EOGT: variants seen among roughly 807,000 people sequenced by gnomAD.
EOGT encodes the protein EGF domain specific O-linked N-acetylglucosamine transferase, also known as EGF domain-specific O-linked N-acetylglucosamine transferase.
A neutral mutation model predicts 70.5 loss-of-function variants in EOGT; 55 were observed. The ratio of observed to expected loss-of-function variants is 0.78; its 90% CI spans 0.63 to 0.98. The LOEUF is 0.98. EOGT is among the 50% of genes least tolerant of loss of function. The probability of loss-of-function intolerance (pLI) is 0.00; values close to 1 mark genes in which losing one functional copy is unlikely to be tolerated. For missense variants in EOGT, 703 were observed against 641.9 expected, an observed-to-expected ratio of 1.10 and a Z score of -1.03; for synonymous variants, 246 against 217.1, an observed-to-expected ratio of 1.13 and a Z score of -1.17.
chr3:68,997,314 C>G (rs1486736859), intron 10 of EOGT, among the ~76,000 whole-genome samples: 1 of 151,322 alleles, frequency 6.6e-6, no homozygotes, highest in Non-Finnish European at 1.5e-5. Flanking sequence ...AAAGGCCAAA[C>G]AGTAAACAGA....
At chr3:69,003,225 T>C (rs1322294573) in intron 8 of EOGT, among the ~76,000 whole-genome samples, 2 of 152,214 alleles carry the variant, frequency 1.3e-5, no homozygotes, top group African/African-American at 4.8e-5. Flanking sequence ...GTCAATTTCA[T>C]GGTTGTGATC....
intron 10 of EOGT, among the ~76,000 whole-genome samples, chr3:68,993,665 G>A (rs1346866360): frequency 1.3e-5 from 2 of 152,002 alleles, no homozygotes; most frequent in African/African-American, 4.8e-5. Context: ...CACTCTACTG[G>A]TACCAATTTA....
At chr3:69,006,178 G>A (rs1385286178) in intron 6 of EOGT, among the ~76,000 whole-genome samples, 3 of 152,196 alleles carry the variant, frequency 2.0e-5, no homozygotes, top group African/African-American at 7.2e-5. Flanking sequence ...AAAGAGGAGT[G>A]CAAGATAGGG....
At position 68,977,638 on chromosome 3, in the gene EOGT, T is replaced by C. The variant is rs1243427562; in HGVS notation, c.1564A>G (p.Lys522Glu). The C allele has an allele frequency of 6.2e-7, 1 of 1,613,874 alleles. No individual in the cohort carries two copies. The highest frequency in any genetic ancestry group is 1.7e-5 in the Admixed American group (1 of 59,972). ...CATATTTATAGCTCATCATGTTTCT[T>C]CTTAAATGGCCACTTTGGGTGTTGC... Reference protein sequence around the residue: ...VLQHPKWPFKKKHDEL With the variant: ...VLQHPKWPFKEKHDEL Residue 522 changes from lysine (K) to glutamate (E), a missense_variant, in exon 18 of 18, where the codon AAG becomes GAG. Coordinates refer to ENST00000383701, the MANE Select transcript of EOGT (RefSeq NM_001278689.2).
chr3:68,985,966 A>T (rs1482675305), intron 14 of EOGT, among the ~76,000 whole-genome samples: 1 of 152,096 alleles, frequency 6.6e-6, no homozygotes, highest in African/African-American at 2.4e-5. Flanking sequence ...CAGCTTCTAG[A>T]AGCCCTCCAC....
intron 7 of EOGT, 114 bp from the exon 8 acceptor site, chr3:69,004,596 T>A: frequency 1.5e-6 from 1 of 686,100 alleles, no homozygotes; most frequent in Non-Finnish European, 2.5e-6. Context: ...TAAAAGAATT[T>A]AACTATTTAC....
chr3:68,975,591 T>C lies in EOGT; in HGVS notation c.*2027A>G, dbSNP rs113721595. 1 of 152,558 alleles carries C rather than the reference T, an allele frequency of 6.6e-6. No individual in the cohort carries two copies. Among genetic ancestry groups the C allele is most frequent in the Non-Finnish European group, 1.5e-5 (1 of 68,032 alleles). The allele number at this position is 152,558 out of a possible 1,614,324, so 9.5% of individuals were successfully genotyped here. On this transcript the variant is annotated 3_prime_UTR_variant, in exon 18 of 18. Transcript: ENST00000383701. ...TGCCTTGCTGATGCAAAGCGCAACA[T>C]GCTTTTGTCATCCCTTTCATCTGAA... is the stretch of plus-strand genomic sequence containing the variant.
In EOGT at chr3:69,001,194, G is replaced by A. The variant is rs539890083; in HGVS notation, c.727+414C>T. Among the ~76,000 whole-genome samples the A allele has an allele frequency of 3.3e-5, 5 of 152,136 alleles. No individual in the cohort carries two copies. In the South Asian group the frequency reaches 1.0e-3, roughly 32 times the overall value. Reference sequence around the variant, plus strand: ...AGGATGGTCTCGATCTCCTGACCTCGTGATCTGCCTGCCTCGGCCTCCCAC... The same window carrying A: ...AGGATGGTCTCGATCTCCTGACCTCATGATCTGCCTGCCTCGGCCTCCCAC... On this transcript the variant is annotated intron_variant, in intron 9 of 17. Coordinates refer to ENST00000383701, the MANE Select transcript of EOGT (RefSeq NM_001278689.2).
chr3:69,003,120 C>T (rs1385961088), intron 8 of EOGT, among the ~76,000 whole-genome samples: 1 of 152,134 alleles, frequency 6.6e-6, no homozygotes, highest in Non-Finnish European at 1.5e-5. Flanking sequence ...CTCTCTCTCC[C>T]TACCTACATA....
Position 69,008,476 on chromosome 3 carries a change from G to A in EOGT, c.263C>T (p.Pro88Leu), listed in dbSNP as rs1315667927. 2.5e-6 allele frequency: 4 copies of A among 1,613,876 alleles called. No individual in the cohort carries two copies. The highest frequency in any genetic ancestry group is 1.3e-5 in the African/African-American group (1 of 74,872). ...AACTGGGTAACCAAACCTGAACTCTGGTTTGCAGGATTTCTCATAACCCCA... is the reference window on the plus strand; with the variant it reads ...AACTGGGTAACCAAACCTGAACTCTAGTTTGCAGGATTTCTCATAACCCCA... ...YCWGYEKSCK[P>L]EFRFGYPVCS... is the part of the protein sequence containing the mutation. The change falls in exon 5 of 18, where the codon CCA (proline) becomes CTA (leucine). Residue 88 changes from proline (P) to leucine (L), a missense_variant. By Grantham distance (98) the Pro-to-Leu change is moderately conservative (BLOSUM62 -3). Coordinates refer to ENST00000383701, the MANE Select transcript of EOGT (RefSeq NM_001278689.2).
At chr3:68,985,904 G>A (rs1277966363) in intron 14 of EOGT, among the ~76,000 whole-genome samples, 1 of 152,152 alleles carries the variant, frequency 6.6e-6, no homozygotes, top group Non-Finnish European at 1.5e-5. Context: ...GTGTCAGCAG[G>A]GCTGTGTTCC....
At chr3:68,995,772 C>T (rs1048432374) in intron 10 of EOGT, among the ~76,000 whole-genome samples, 8 of 152,242 alleles carry the variant, frequency 5.3e-5, no homozygotes, top group South Asian at 2.1e-4. Flanking sequence ...TTTAAGAAGA[C>T]GACAGAGCAC....
intron 9 of EOGT, among the ~76,000 whole-genome samples, chr3:68,999,624 C>A (rs979048612): frequency 6.6e-6 from 1 of 152,010 alleles, no homozygotes; most frequent in African/African-American, 2.4e-5. Flanking sequence ...TTTGGAAGGG[C>A]TAATTTTTTC....
At chr3:68,993,281 C>T (rs1185072490) in intron 10 of EOGT, among the ~76,000 whole-genome samples, 1 of 152,170 alleles carries the variant, frequency 6.6e-6, no homozygotes, top group Non-Finnish European at 1.5e-5. Flanking sequence ...ACCCAAATCA[C>T]CTTTTGAATA....
intron 9 of EOGT, among the ~76,000 whole-genome samples, chr3:68,998,754 T>A: frequency 6.6e-6 from 1 of 150,698 alleles, no homozygotes; most frequent in East Asian, 1.9e-4. Flanking sequence ...GAGAATTTGC[T>A]TGAACCTGGG....
chr3:68,995,747 T>G (rs1160466477), intron 10 of EOGT, among the ~76,000 whole-genome samples: 2 of 151,940 alleles, frequency 1.3e-5, no homozygotes, highest in Non-Finnish European at 1.5e-5. Flanking sequence ...TTAGGTAGAG[T>G]CCTCTTCAGA....
At position 69,004,825 on chromosome 3, in the gene EOGT, A is replaced by C. The variant is rs182095018; in HGVS notation, c.515+315T>G. Among the ~76,000 whole-genome samples the C allele has an allele frequency of 9.7e-3, 1,477 of 152,182 alleles. 103 individuals carry two copies. Among genetic ancestry groups the C allele is most frequent in the Admixed American group, 0.089 (1,357 of 15,264 alleles). On this transcript the variant is annotated intron_variant, in intron 7 of 17. Transcript: ENST00000383701. ...ACACCTATAATCCCAGCACTTTGGG[A>C]GGCTGAGGTGAGAGGATCACCTGAA...
intron 15 of EOGT, among the ~76,000 whole-genome samples, chr3:68,981,044 A>C (rs570643081): frequency 8.3e-4 from 126 of 152,242 alleles, no homozygotes; most frequent in Non-Finnish European, 1.6e-3. Context: ...ATATTGGCTC[A>C]CTCATTTCTT....
At chr3:68,991,979 T>G (rs1007782659) in intron 10 of EOGT, among the ~76,000 whole-genome samples, 2 of 152,132 alleles carry the variant, frequency 1.3e-5, no homozygotes, top group Non-Finnish European at 2.9e-5. Context: ...GAGAATAGCA[T>G]AGGAAAGACT....
Sources: allele counts gnomAD v4.1 joint callset (sites outside exome capture counted in the v4.1 genomes callset), GRCh38; gene constraint gnomAD v4.1.1; transcripts MANE v1.5; gene names NCBI Gene and HGNC (gene_info 2026-07-23, HGNC 2026-07-21).